BCL2L13: variants seen among roughly 807,000 people sequenced by gnomAD.
BCL2L13 encodes BCL2 like 13, also known as bcl-2-like protein 13.
In BCL2L13, 13 loss-of-function variants were observed where a neutral mutation model predicts 25.8. The observed-to-expected ratio is 0.50, with a 90% CI of 0.33 to 0.80. The LOEUF (loss-of-function observed/expected upper bound fraction) is 0.80. BCL2L13 is among the 30% of genes least tolerant of loss of function. The pLI, the probability that BCL2L13 is intolerant of heterozygous loss-of-function variation, is 0.02. For synonymous variants in BCL2L13, 244 were observed against 230.3 expected (o/e 1.06, Z -0.54); for missense variants, 504 against 574.9 (o/e 0.88, Z 1.26).
intron 1 of BCL2L13, among the ~76,000 whole-genome samples, chr22:17,650,819 C>T (rs1433702346): frequency 2.0e-5 from 3 of 151,480 alleles, no homozygotes; most frequent in Non-Finnish European, 4.4e-5. Flanking sequence ...GCTATCCTCC[C>T]ATCTCGGCCT....
In BCL2L13 at chr22:17,638,805, C is replaced by T; in HGVS notation, c.-132C>T. The T allele has an allele frequency of 2.4e-6, 3 of 1,231,976 alleles. No homozygotes were observed. Among genetic ancestry groups the T allele is most frequent in the Non-Finnish European group, 3.0e-6 (3 of 988,188 alleles). The allele number at this position is 1,231,976 out of a possible 1,614,324, so 76.3% of individuals were successfully genotyped here. A position where few individuals can be genotyped will look rare whatever the true frequency, so the allele number is the denominator to read the frequency against. ...TAGATTAGGGCCGCGGGTCGGAGCA[C>T]TCACCGCCGCTGGGGGACCCTGTCG... On this transcript the variant is annotated 5_prime_UTR_variant, in exon 1 of 7. Transcript: ENST00000317582.
intron 1 of BCL2L13, among the ~76,000 whole-genome samples, chr22:17,652,464 GTCTTGT>G (rs1480822221): frequency 2.6e-5 from 4 of 152,074 alleles, no homozygotes; most frequent in African/African-American, 9.7e-5. Flanking sequence ...TTGAGACTGA[GTCTTGT>G]TCTTGTTGCC....
chr22:17,706,920 TGTC>T, intron 6 of BCL2L13: 1 of 949,074 alleles, frequency 1.1e-6, no homozygotes, highest in South Asian at 1.3e-5. Context: ...CTGGAGGGAA[TGTC>T]ATCTGTCTAT....
chr22:17,689,213 G>T, intron 4 of BCL2L13, 71 bp downstream of exon 4: 1 of 1,413,058 alleles, frequency 7.1e-7, no homozygotes, highest in Non-Finnish European at 9.6e-7. Flanking sequence ...CACTGGATTG[G>T]TTAGGGCTGT....
intron 2 of BCL2L13, among the ~76,000 whole-genome samples, chr22:17,663,423 A>G (rs559041913): frequency 9.8e-5 from 15 of 152,342 alleles, no homozygotes; most frequent in African/African-American, 3.4e-4. Flanking sequence ...ACAAAATTAT[A>G]TCAAAATGAC....
At chr22:17,719,499 A>C (rs1222116147) in intron 6 of BCL2L13, among the ~76,000 whole-genome samples, 1 of 152,192 alleles carries the variant, frequency 6.6e-6, no homozygotes, top group African/African-American at 2.4e-5. Context: ...AAAGAGTAGA[A>C]TCAACCCAAA....
rs149030911 is a variant in BCL2L13, at chr22:17,727,099, C to T, written c.1023C>T (p.Ala341=). 112 of 1,614,072 alleles carry T rather than the reference C, an allele frequency of 6.9e-5. No individual in the cohort carries two copies. In the African/African-American group the frequency reaches 1.1e-3, roughly 16 times the overall value. The part of the protein sequence containing the change: ...ARELQEALPE[A]PAPLLPHITA... ...AGCTGCAAGAGGCACTTCCTGAAGC[C>T]CCAGCTCCCTTGCTTCCACATATCA... is the stretch of plus-strand genomic sequence containing the variant. Residue 341 remains alanine, a synonymous_variant, in exon 7 of 7, where the codon GCC becomes GCT. Coordinates refer to ENST00000317582, the MANE Select transcript of BCL2L13 (RefSeq NM_015367.4).
chr22:17,726,350 TAA>T (rs56121786), intron 6 of BCL2L13, among the ~76,000 whole-genome samples: 22,786 of 137,152 alleles, frequency 0.17, 3,407 homozygotes, highest in African/African-American at 0.41. Flanking sequence ...GACTCCATCT[TAA>T]AAAAAAAAAA....
In BCL2L13 at chr22:17,719,764, G is replaced by T. The variant is rs35477714; in HGVS notation, c.601-6913G>T. ...TAATCGCTGGAATCCGGGAGGCGGA[G>T]GTTGCAGTGAGCCGAGATCACGCCA... is the stretch of plus-strand genomic sequence containing the variant. On this transcript the variant is annotated intron_variant, in intron 6 of 6. Coordinates refer to ENST00000317582, the MANE Select transcript of BCL2L13 (RefSeq NM_015367.4). Among the ~76,000 whole-genome samples the T allele has an allele frequency of 5.4e-5, 8 of 149,062 alleles. No individual in the cohort carries two copies. The East Asian group carries it at 1.4e-3, about 26-fold the overall frequency.
At position 17,685,030 on chromosome 22, in the gene BCL2L13, C is replaced by T. The variant is rs192837467; in HGVS notation, c.229+1709C>T. On this transcript the variant is annotated intron_variant, in intron 3 of 6. Coordinates refer to ENST00000317582, the MANE Select transcript of BCL2L13 (RefSeq NM_015367.4). ...GATTACAGGCATGAGCCACCACGCC[C>T]GGCCTGTAATTTTTTGTACGTTTAA... is the stretch of plus-strand genomic sequence containing the variant. 1.8e-4 allele frequency among the ~76,000 whole-genome samples: 27 copies of T among 151,718 alleles called. No homozygotes were observed. The East Asian group carries it at 4.7e-3, about 26-fold the overall frequency.
chr22:17,672,441 T>G (rs1049128404), intron 2 of BCL2L13, among the ~76,000 whole-genome samples: 1 of 152,368 alleles, frequency 6.6e-6, no homozygotes, highest in East Asian at 1.9e-4. Flanking sequence ...ACTGACTCAC[T>G]TGACTTCATT....
intron 1 of BCL2L13, among the ~76,000 whole-genome samples, chr22:17,631,670 G>A (rs999317084): frequency 0.11 from 3,047 of 26,550 alleles, 391 homozygotes; most frequent in African/African-American, 0.34. Context: ...GTGTGTGTGT[G>A]TATATATATA....
At chr22:17,687,719 G>A (rs531209093) in intron 3 of BCL2L13, among the ~76,000 whole-genome samples, 5 of 151,170 alleles carry the variant, frequency 3.3e-5, no homozygotes, top group South Asian at 2.1e-4. Flanking sequence ...GGGTTTCACC[G>A]TGTTAGCCAG....
chr22:17,687,661 C>T (rs764810536), intron 3 of BCL2L13, among the ~76,000 whole-genome samples: 19 of 152,070 alleles, frequency 1.2e-4, no homozygotes, highest in Non-Finnish European at 2.5e-4. Context: ...GGATTACAGG[C>T]GCCCGCCACC....
intron 6 of BCL2L13, among the ~76,000 whole-genome samples, chr22:17,706,293 C>T (rs1461284933): frequency 1.3e-5 from 2 of 151,814 alleles, no homozygotes; most frequent in South Asian, 4.1e-4. Context: ...TACAGGCATG[C>T]GCCACCTTGC....
intron 2 of BCL2L13, among the ~76,000 whole-genome samples, chr22:17,659,401 T>C (rs1459434660): frequency 7.1e-6 from 1 of 141,518 alleles, no homozygotes; most frequent in East Asian, 2.1e-4. Flanking sequence ...GTGGCTCACG[T>C]CTGTAATCCC....
Position 17,631,696 on chromosome 22 carries a change from ATATATATATATTTTTTTTTTTTTT to A in BCL2L13, c.-650+2693_-650+2716del, listed in dbSNP as rs1568903876. Among the ~76,000 whole-genome samples the A allele has an allele frequency of 4.5e-3, 151 of 33,234 alleles. 5 individuals carry two copies. The highest frequency in any genetic ancestry group is 0.018 in the Admixed American group (31 of 1,686). 21.8% of individuals were successfully genotyped at this position (33,234 alleles called of 152,430 possible). Reference sequence around the variant, plus strand: ...TATATATATATATATATATATATATATATATATATATTTTTTTTTTTTTTTTTTTTTTTTTTTTTTTTGAGATGG... The same window carrying A: ...TATATATATATATATATATATATATATTTTTTTTTTTTTTTTTTGAGATGG... On this transcript the variant is annotated intron_variant, in intron 1 of 6. Coordinates refer to the BCL2L13 transcript ENST00000399782.
intron 3 of BCL2L13, among the ~76,000 whole-genome samples, chr22:17,686,776 T>C (rs923319558): frequency 6.6e-6 from 1 of 152,200 alleles, no homozygotes; most frequent in African/African-American, 2.4e-5. Context: ...CCCAAAGTGC[T>C]GGGATTACCG....
Position 17,718,809 on chromosome 22 carries a change from A to G in BCL2L13, c.601-7868A>G, listed in dbSNP as rs541660512. On this transcript the variant is annotated intron_variant, in intron 6 of 6. Transcript: ENST00000317582. Reference sequence around the variant, plus strand: ...CCCTGTTTCCTTTAGTCTCAACCCAATTACAAGCACCTTGCAATTATATCA... The same window carrying G: ...CCCTGTTTCCTTTAGTCTCAACCCAGTTACAAGCACCTTGCAATTATATCA... 2.0e-5 allele frequency among the ~76,000 whole-genome samples: 3 copies of G among 152,290 alleles called. No homozygotes were observed. In the East Asian group the frequency reaches 5.8e-4, roughly 29 times the overall value.
Sources: gnomAD v4.1 joint callset for allele counts (sites outside exome capture counted in the v4.1 genomes callset) on GRCh38, gnomAD v4.1.1 for gene constraint, MANE v1.5 for transcripts, NCBI Gene and HGNC (gene_info 2026-07-23, HGNC 2026-07-21) for gene names.